The following NALF1 variants were observed in gnomAD, a reference collection of about 807,000 sequenced individuals.
NALF1 encodes family with sequence similarity 155 member A.
NALF1 carries 3 observed loss-of-function variants against 48.4 expected under a neutral mutation model. The observed-to-expected ratio is 0.06, with a 90% CI of 0.03 to 0.16. NALF1 has a LOEUF of 0.16. Ranked by LOEUF, NALF1 falls within the 10% of genes least tolerant of loss-of-function variation. The pLI is 1.00. For synonymous variants in NALF1, 262 were observed against 245.7 expected (o/e 1.07, Z -0.62); for missense variants, 526 against 571.5 (o/e 0.92, Z 0.81).
chr13:107,446,797 A>G (rs947527159), intron 1 of NALF1, among the ~76,000 whole-genome samples: 1 of 152,238 alleles, frequency 6.6e-6, no homozygotes, highest in African/African-American at 2.4e-5. Context: ...TATGTCCTAT[A>G]TAAGAAAAAA....
intron 1 of NALF1, among the ~76,000 whole-genome samples, chr13:107,800,014 G>A (rs756426131): frequency 3.3e-5 from 5 of 152,114 alleles, no homozygotes; most frequent in Non-Finnish European, 7.4e-5. Context: ...AGGAAGAAAG[G>A]GCGGAGAGGG....
intron 1 of NALF1, among the ~76,000 whole-genome samples, chr13:107,288,387 T>G (rs1881544313): frequency 6.6e-6 from 1 of 150,702 alleles, no homozygotes; most frequent in Non-Finnish European, 1.5e-5. Context: ...AGCCAGCTAA[T>G]TTTTGTATTT....
At chr13:107,723,436 A>T (rs1876047996) in intron 1 of NALF1, among the ~76,000 whole-genome samples, 1 of 151,416 alleles carries the variant, frequency 6.6e-6, no homozygotes, top group Admixed American at 6.6e-5. Context: ...ACACACACAC[A>T]CATACGGTAT....
intron 1 of NALF1, among the ~76,000 whole-genome samples, chr13:107,624,025 CA>C (rs1299873065): frequency 6.6e-6 from 1 of 152,138 alleles, no homozygotes; most frequent in Non-Finnish European, 1.5e-5. Context: ...ATAATCTCAT[CA>C]GCCCCTATTT....
intron 1 of NALF1, among the ~76,000 whole-genome samples, chr13:107,679,653 A>G (rs1354930823): frequency 6.6e-6 from 1 of 152,168 alleles, no homozygotes; most frequent in East Asian, 1.9e-4. Flanking sequence ...CTCAGTCCAG[A>G]ATGCCCCTCA....
intron 1 of NALF1, among the ~76,000 whole-genome samples, chr13:107,777,893 T>C (rs932177625): frequency 6.6e-6 from 1 of 152,202 alleles, no homozygotes; most frequent in Admixed American, 6.5e-5. Flanking sequence ...AATTTATATG[T>C]TTAACAAAAG....
intron 1 of NALF1, among the ~76,000 whole-genome samples, chr13:107,818,871 CA>C (rs774372636): frequency 0.012 from 857 of 73,792 alleles, 3 homozygotes; most frequent in Admixed American, 0.025. Context: ...GACTCCGTCT[CA>C]AAAAAAAAAA....
At chr13:107,341,449 T>C (rs901215286) in intron 1 of NALF1, among the ~76,000 whole-genome samples, 3 of 151,978 alleles carry the variant, frequency 2.0e-5, no homozygotes, top group African/African-American at 4.8e-5. Context: ...CTTTGTGAGT[T>C]TGGATTCCTA....
intron 1 of NALF1, among the ~76,000 whole-genome samples, chr13:107,499,272 T>C (rs1303709024): frequency 1.3e-5 from 2 of 152,204 alleles, no homozygotes; most frequent in African/African-American, 4.8e-5. Flanking sequence ...TTGAAAATTA[T>C]AGACCTCTGG....
intron 2 of NALF1, among the ~76,000 whole-genome samples, chr13:107,179,646 C>T (rs904311987): frequency 7.5e-5 from 10 of 133,334 alleles, no homozygotes; most frequent in East Asian, 4.8e-4. Flanking sequence ...TATGTACCCA[C>T]AAAAGTTAAA....
chr13:107,390,335 ACT>A (rs774912723), intron 1 of NALF1, among the ~76,000 whole-genome samples: 2 of 151,260 alleles, frequency 1.3e-5, no homozygotes, highest in Non-Finnish European at 2.9e-5. Context: ...ACAGAGTGAG[ACT>A]CTGTCTCAAA....
intron 1 of NALF1, among the ~76,000 whole-genome samples, chr13:107,215,253 T>G (rs1390382891): frequency 6.6e-6 from 1 of 152,226 alleles, no homozygotes; most frequent in Non-Finnish European, 1.5e-5. Context: ...ACATATCCTT[T>G]TTCTTTTTTT....
At chr13:107,218,850 T>C (rs1879932916) in intron 1 of NALF1, among the ~76,000 whole-genome samples, 1 of 152,162 alleles carries the variant, frequency 6.6e-6, no homozygotes, top group Non-Finnish European at 1.5e-5. Flanking sequence ...TTTATAGCTG[T>C]TATTTAAACG....
At chr13:107,468,047 CA>C (rs1287757353) in intron 1 of NALF1, among the ~76,000 whole-genome samples, 1,319 of 75,610 alleles carry the variant, frequency 0.017, 7 homozygotes, top group East Asian at 0.055. Context: ...GACTCCGTCT[CA>C]AAAAAAAAAA....
At chr13:107,380,398 G>A (rs191870069) in intron 1 of NALF1, among the ~76,000 whole-genome samples, 1 of 152,300 alleles carries the variant, frequency 6.6e-6, no homozygotes, top group East Asian at 1.9e-4. Flanking sequence ...TATAAGGACA[G>A]AGAAAGAAGT....
At chr13:107,622,467 A>G (rs1879546179) in intron 1 of NALF1, among the ~76,000 whole-genome samples, 1 of 90,372 alleles carries the variant, frequency 1.1e-5, no homozygotes, top group Admixed American at 1.5e-4. Context: ...AACAACAACA[A>G]CAACAAAAAA....
At chr13:107,850,479 G>A (rs1030555978) in intron 1 of NALF1, among the ~76,000 whole-genome samples, 2 of 152,078 alleles carry the variant, frequency 1.3e-5, no homozygotes, top group African/African-American at 2.4e-5. Flanking sequence ...ACATACACAC[G>A]AAAAGCCGAA....
intron 1 of NALF1, among the ~76,000 whole-genome samples, chr13:107,718,847 T>A (rs773248787): frequency 1.3e-5 from 2 of 152,208 alleles, no homozygotes; most frequent in Non-Finnish European, 2.9e-5. Context: ...CTCGGTCACC[T>A]TAGCCACATT....
chr13:107,455,867 T>A (rs1337633104), intron 1 of NALF1, among the ~76,000 whole-genome samples: 1 of 152,168 alleles, frequency 6.6e-6, no homozygotes, highest in East Asian at 1.9e-4. Context: ...ATAACTCTTT[T>A]TTTTTTTTAA....
Sources: allele counts gnomAD v4.1 joint callset (sites outside exome capture counted in the v4.1 genomes callset), GRCh38; gene constraint gnomAD v4.1.1; transcripts MANE v1.5; gene names NCBI Gene and HGNC (gene_info 2026-07-23, HGNC 2026-07-21).